The following A1CF variants were observed in gnomAD, a reference collection of about 807,000 sequenced individuals.
A1CF encodes the protein APOBEC1 complementation factor.
Under a neutral mutation model 68.9 loss-of-function variants are expected in A1CF, and 48 were observed. The ratio of observed to expected loss-of-function variants is 0.70; its 90% CI spans 0.55 to 0.89. A1CF has a LOEUF of 0.89. A1CF is among the 40% of genes least tolerant of loss of function. The pLI, the probability that A1CF is intolerant of heterozygous loss-of-function variation, is 0.00. For synonymous variants in A1CF, 272 were observed against 260.4 expected (o/e 1.04, Z -0.43); for missense variants, 653 against 718.9 (o/e 0.91, Z 1.05).
At chr10:50,861,410 A>G (rs1840739986) in intron 2 of A1CF, among the ~76,000 whole-genome samples, 2 of 149,580 alleles carry the variant, frequency 1.3e-5, no homozygotes. Context: ...TATCACTAAT[A>G]GTAGTAATGA....
At chr10:50,839,043 G>T (rs985161163) in intron 5 of A1CF, among the ~76,000 whole-genome samples, 2 of 152,078 alleles carry the variant, frequency 1.3e-5, no homozygotes, top group African/African-American at 4.8e-5. Context: ...TGAGATGTAT[G>T]TATATTATCT....
At chr10:50,868,537 T>G (rs1292921203) in intron 1 of A1CF, among the ~76,000 whole-genome samples, 1 of 152,142 alleles carries the variant, frequency 6.6e-6, no homozygotes, top group Non-Finnish European at 1.5e-5. Flanking sequence ...CTTAGTTTTT[T>G]AAAACAATAC....
intron 1 of A1CF, among the ~76,000 whole-genome samples, chr10:50,864,626 CT>C (rs565026755): frequency 2.6e-5 from 4 of 151,370 alleles, no homozygotes; most frequent in Non-Finnish European, 4.4e-5. Flanking sequence ...CTTTTCTTTA[CT>C]TTTTTTTTGA....
At chr10:50,820,784 G>C in intron 7 of A1CF, 135 bp from the exon 8 acceptor site, 1 of 573,352 alleles carries the variant, frequency 1.7e-6, no homozygotes, top group Non-Finnish European at 2.9e-6. Flanking sequence ...ATCTCATCAA[G>C]AACATTCAAC....
Position 50,878,559 on chromosome 10 carries a change from C to G in A1CF, c.-94+7022G>C, listed in dbSNP as rs1292430115. ...TTCTGCTTTAACATATGATTTGTCT[C>G]CCACTCTGCTATGCCAACATCACAG... On this transcript the variant is annotated intron_variant, in intron 1 of 12. Transcript: ENST00000373997. Among the ~76,000 whole-genome samples, 3 of 152,290 alleles carry G rather than the reference C, an allele frequency of 2.0e-5. No individual in the cohort carries two copies. The East Asian group carries it at 5.8e-4, about 29-fold the overall frequency.
chr10:50,851,608 C>T (rs768143888), intron 3 of A1CF, among the ~76,000 whole-genome samples: 3 of 151,374 alleles, frequency 2.0e-5, no homozygotes, highest in Non-Finnish European at 4.4e-5. Flanking sequence ...TACATAGACA[C>T]TGTCTACTAA....
chr10:50,845,495 A>C (rs1839956826), intron 3 of A1CF, among the ~76,000 whole-genome samples: 1 of 152,222 alleles, frequency 6.6e-6, no homozygotes, highest in Non-Finnish European at 1.5e-5. Flanking sequence ...CATTTACATA[A>C]GGTATCAAAG....
At chr10:50,810,647 G>A (rs1008018329) in intron 11 of A1CF, among the ~76,000 whole-genome samples, 9 of 152,076 alleles carry the variant, frequency 5.9e-5, no homozygotes, top group Non-Finnish European at 7.4e-5. Context: ...GACTACAGGC[G>A]CCTGCCTGTA....
intron 7 of A1CF, among the ~76,000 whole-genome samples, chr10:50,826,016 G>C (rs1838912213): frequency 6.6e-6 from 1 of 152,086 alleles, no homozygotes; most frequent in African/African-American, 2.4e-5. Flanking sequence ...GACCCCCACA[G>C]CCAAGAATGA....
chr10:50,834,724 G>T (rs1325552422), intron 6 of A1CF, among the ~76,000 whole-genome samples: 1 of 152,100 alleles, frequency 6.6e-6, no homozygotes, highest in African/African-American at 2.4e-5. Context: ...AGGATATTTT[G>T]GAAACATTAA....
Position 50,859,847 on chromosome 10 carries a change from C to A in A1CF, c.94G>T (p.Val32Phe). 6.2e-7 allele frequency: 1 copy of A among 1,613,546 alleles called. No individual in the cohort carries two copies. Among genetic ancestry groups the A allele is most frequent in the Non-Finnish European group, 8.5e-7 (1 of 1,179,732 alleles). The change falls in exon 3 of 13, where the codon GTC becomes TTC. Residue 32 changes from valine to phenylalanine, a missense_variant. By Grantham distance (50) the Val-to-Phe change is conservative. Coordinates refer to ENST00000373997, the MANE Select transcript of A1CF (RefSeq NM_014576.4). ...ALVQRTGYSL[V>F]QENGQRKYGG... The stretch of plus-strand genomic sequence containing the variant: ...CAGATTTCACAAGTTCCTACCTGGA[C>A]CAAGCTATATCCTGTGCGCTGGACC...
rs574957634 is a variant in A1CF, at chr10:50,815,302, G to A, written c.1141+704C>T. Among the ~76,000 whole-genome samples the A allele has an allele frequency of 2.0e-5, 3 of 152,264 alleles. No homozygotes were observed. The East Asian group carries it at 5.8e-4, about 29-fold the overall frequency. ...CTTCTAGCTTTCTTGAAGAAATGGA[G>A]CTTGGAAAACTGCTCAAACATTTAG... On this transcript the variant is annotated intron_variant, in intron 9 of 12. Transcript: ENST00000373997.
At chr10:50,834,590 T>C (rs993816898) in intron 6 of A1CF, among the ~76,000 whole-genome samples, 1 of 152,220 alleles carries the variant, frequency 6.6e-6, no homozygotes, top group Non-Finnish European at 1.5e-5. Context: ...ATCACATATT[T>C]AGTTCTTACA....
chr10:50,819,609 A>G (rs1465829639), intron 8 of A1CF, among the ~76,000 whole-genome samples: 1 of 151,876 alleles, frequency 6.6e-6, no homozygotes, highest in East Asian at 1.9e-4. Flanking sequence ...TTCTTTTGGG[A>G]CCCTGACCGA....
intron 10 of A1CF, among the ~76,000 whole-genome samples, chr10:50,813,011 A>T (rs914500619): frequency 1.3e-5 from 2 of 152,206 alleles, no homozygotes; most frequent in Admixed American, 6.5e-5. Context: ...GATTGAAATT[A>T]TAAGGGCTAC....
chr10:50,857,928 T>G (rs1487986363), intron 3 of A1CF, among the ~76,000 whole-genome samples: 3 of 152,166 alleles, frequency 2.0e-5, no homozygotes, highest in African/African-American at 7.2e-5. Context: ...CTGAAGATCG[T>G]AAAAAGAATC....
rs749237292 is a variant in A1CF, at chr10:50,806,725, A to G, written c.*4T>C. Reference sequence around the variant, plus strand: ...GTCTTATTCTTAAATTTAAAAAAGCATCTTCAGAAGGTGCCATATCCATCC... The same window carrying G: ...GTCTTATTCTTAAATTTAAAAAAGCGTCTTCAGAAGGTGCCATATCCATCC... On this transcript the variant is annotated 3_prime_UTR_variant, in exon 13 of 13. Transcript: ENST00000373997. 5.1e-6 allele frequency: 8 copies of G among 1,574,056 alleles called. No homozygotes were observed. The highest frequency in any genetic ancestry group is 6.9e-6 in the Non-Finnish European group (8 of 1,166,290).
chr10:50,879,709 A>G (rs1471272472), intron 1 of A1CF, among the ~76,000 whole-genome samples: 1 of 152,238 alleles, frequency 6.6e-6, no homozygotes, highest in Non-Finnish European at 1.5e-5. Context: ...AACCACCCCC[A>G]TAATCCTATC....
chr10:50,824,967 A>G (rs1838848949), intron 7 of A1CF, among the ~76,000 whole-genome samples: 1 of 152,180 alleles, frequency 6.6e-6, no homozygotes. Context: ...TGCAGATTCT[A>G]GCTTAGTCAT....
Sources: gnomAD v4.1 joint callset for allele counts (sites outside exome capture counted in the v4.1 genomes callset) on GRCh38, gnomAD v4.1.1 for gene constraint, MANE v1.5 for transcripts, NCBI Gene and HGNC (gene_info 2026-07-23, HGNC 2026-07-21) for gene names.